SPAG16: variants seen among roughly 807,000 people sequenced by gnomAD.
The protein encoded by SPAG16 is sperm associated antigen 16.
Under a neutral mutation model 80.4 loss-of-function variants are expected in SPAG16, and 86 were observed. The ratio of observed to expected loss-of-function variants is 1.07; its 90% CI spans 0.90 to 1.28. The LOEUF (loss-of-function observed/expected upper bound fraction) is 1.28. SPAG16 is among the 50% of genes most tolerant of loss of function. SPAG16 has a pLI of 0.00. For missense variants in SPAG16, 870 were observed against 765.3 expected, an observed-to-expected ratio of 1.14 and a Z score of -1.61; for synonymous variants, 294 against 265.9, an observed-to-expected ratio of 1.11 and a Z score of -1.03.
At chr2:213,547,978 G>C (rs1405075534) in intron 10 of SPAG16, among the ~76,000 whole-genome samples, 1 of 152,010 alleles carries the variant, frequency 6.6e-6, no homozygotes, top group African/African-American at 2.4e-5. Flanking sequence ...GTTTCCAATT[G>C]GTACATATCA....
chr2:214,313,776 T>C (rs1695493921), intron 15 of SPAG16, among the ~76,000 whole-genome samples: 1 of 152,134 alleles, frequency 6.6e-6, no homozygotes, highest in African/African-American at 2.4e-5. Flanking sequence ...AAATACCACA[T>C]TCAGGATAAT....
At chr2:214,248,255 T>A (rs2125841791) in intron 15 of SPAG16, among the ~76,000 whole-genome samples, 1 of 150,566 alleles carries the variant, frequency 6.6e-6, no homozygotes, top group South Asian at 2.1e-4. Context: ...AAATATTTAC[T>A]GAATACCTGC....
chr2:213,610,878 G>T (rs184835068), intron 10 of SPAG16, among the ~76,000 whole-genome samples: 3 of 152,318 alleles, frequency 2.0e-5, no homozygotes, highest in East Asian at 3.9e-4. Context: ...TATCTTTAAA[G>T]TAAAATTAGG....
At position 213,317,342 on chromosome 2, in the gene SPAG16, C is replaced by T. The variant is rs775159332; in HGVS notation, c.522C>T (p.Tyr174=). Residue 174 remains tyrosine, a synonymous_variant, in exon 5 of 16, where the codon TAC becomes TAT. Transcript: ENST00000331683. ...NKNLKKDLKH[Y]KQAADKARED... ...ATTTAAAGAAAGATTTGAAGCACTA[C>T]AAACAAGCAGCTGAGTATGTTATTT... 6.2e-7 allele frequency: 1 copy of T among 1,608,626 alleles called. No homozygotes were observed. The highest frequency in any genetic ancestry group is 8.5e-7 in the Non-Finnish European group (1 of 1,177,384).
intron 11 of SPAG16, among the ~76,000 whole-genome samples, chr2:213,886,260 G>T (rs1399696160): frequency 6.6e-6 from 1 of 152,054 alleles, no homozygotes; most frequent in African/African-American, 2.4e-5. Context: ...ATATTTTTAG[G>T]TTTTGTGGTT....
In SPAG16 at chr2:213,975,891, G is replaced by A. The variant is rs117612935; in HGVS notation, c.1401-38060G>A. On this transcript the variant is annotated intron_variant, in intron 12 of 15. Transcript: ENST00000331683. ...AGGAATCTGGTGGCAGCTCGGCTGG[G>A]TGGTTCTGGTTAACGGGTTCTTGTG... Among the ~76,000 whole-genome samples, 1,297 of 151,838 alleles carry A rather than the reference G, an allele frequency of 8.5e-3. 38 individuals carry two copies. Among genetic ancestry groups the A allele is most frequent in the East Asian group, 0.085 (436 of 5,150 alleles).
chr2:214,391,639 A>G (rs1224036384), intron 15 of SPAG16, among the ~76,000 whole-genome samples: 3 of 152,210 alleles, frequency 2.0e-5, no homozygotes, highest in African/African-American at 7.2e-5. Flanking sequence ...CAGATCATGG[A>G]GCGGTAACTG....
At chr2:214,178,582 T>C (rs2057207436) in intron 15 of SPAG16, among the ~76,000 whole-genome samples, 1 of 151,314 alleles carries the variant, frequency 6.6e-6, no homozygotes, top group Non-Finnish European at 1.5e-5. Flanking sequence ...TTTAAGTCTA[T>C]ATTGCTTTTG....
At chr2:214,377,581 C>A (rs1354649939) in intron 15 of SPAG16, among the ~76,000 whole-genome samples, 4 of 152,118 alleles carry the variant, frequency 2.6e-5, no homozygotes, top group Admixed American at 6.6e-5. Flanking sequence ...ATATAACATA[C>A]AAAATATGTG....
intron 5 of SPAG16, among the ~76,000 whole-genome samples, chr2:213,323,748 G>A (rs1422395776): frequency 6.6e-6 from 1 of 152,024 alleles, no homozygotes; most frequent in Non-Finnish European, 1.5e-5. Flanking sequence ...ACAGATGAAT[G>A]GGTAAAAAAA....
At chr2:213,964,387 T>A (rs1288579386) in intron 12 of SPAG16, among the ~76,000 whole-genome samples, 1 of 152,182 alleles carries the variant, frequency 6.6e-6, no homozygotes, top group Non-Finnish European at 1.5e-5. Flanking sequence ...AAGAACACCT[T>A]TAGTATTCCT....
At chr2:213,799,072 A>C (rs1462607788) in intron 10 of SPAG16, among the ~76,000 whole-genome samples, 40 of 152,070 alleles carry the variant, frequency 2.6e-4, no homozygotes, top group Admixed American at 2.6e-3. Context: ...ATTTATGTAG[A>C]CATTTTAGGA....
At chr2:214,202,892 G>A (rs949449123) in intron 15 of SPAG16, among the ~76,000 whole-genome samples, 5 of 151,970 alleles carry the variant, frequency 3.3e-5, no homozygotes, top group African/African-American at 9.7e-5. Context: ...GATGTTTTCC[G>A]GCTATCTCCT....
At chr2:214,177,916 C>CATATATATATATACATATATATAT in intron 15 of SPAG16, among the ~76,000 whole-genome samples, 1 of 92,200 alleles carries the variant, frequency 1.1e-5, no homozygotes, top group Non-Finnish European at 2.1e-5. Flanking sequence ...TATATATATA[C>CATATATATATATACATATATATAT]ATATATATAT....
chr2:213,781,053 C>A (rs1035705588), intron 10 of SPAG16, among the ~76,000 whole-genome samples: 2 of 152,130 alleles, frequency 1.3e-5, no homozygotes, highest in African/African-American at 4.8e-5. Flanking sequence ...ACAAAATTGC[C>A]TTCTGAAGTG....
chr2:214,321,751 T>C (rs1357894776), intron 15 of SPAG16, among the ~76,000 whole-genome samples: 2 of 152,196 alleles, frequency 1.3e-5, no homozygotes, highest in African/African-American at 4.8e-5. Flanking sequence ...ATTATTGAAA[T>C]CAAATAAACA....
intron 15 of SPAG16, among the ~76,000 whole-genome samples, chr2:214,190,164 C>T (rs2057615462): frequency 6.6e-6 from 1 of 152,080 alleles, no homozygotes; most frequent in Non-Finnish European, 1.5e-5. Context: ...AGAATATGCT[C>T]CACGTCTTTC....
At position 213,397,847 on chromosome 2, in the gene SPAG16, C is replaced by G. The variant is rs535539895; in HGVS notation, c.942+22728C>G. ...CCAGTCTTATGGCTTTAAATTCTGC[C>G]TATATATTAATTATCCCTTAATTTA... On this transcript the variant is annotated intron_variant, in intron 9 of 15. Coordinates refer to ENST00000331683, the MANE Select transcript of SPAG16 (RefSeq NM_024532.5). 2.6e-4 allele frequency among the ~76,000 whole-genome samples: 40 copies of G among 152,244 alleles called. No individual in the cohort carries two copies. In the South Asian group the frequency reaches 7.9e-3, roughly 30 times the overall value.
At chr2:213,678,639 A>G (rs2064222748) in intron 10 of SPAG16, among the ~76,000 whole-genome samples, 1 of 152,092 alleles carries the variant, frequency 6.6e-6, no homozygotes, top group South Asian at 2.1e-4. Flanking sequence ...ACTTTCACCC[A>G]TTATCAGTTC....
Sources: allele counts gnomAD v4.1 joint callset (sites outside exome capture counted in the v4.1 genomes callset), GRCh38; gene constraint gnomAD v4.1.1; transcripts MANE v1.5; gene names NCBI Gene and HGNC (gene_info 2026-07-23, HGNC 2026-07-21).